PXK: variants seen among roughly 807,000 people sequenced by gnomAD.
PXK encodes the protein PX domain-containing protein kinase-like protein.
PXK carries 35 observed loss-of-function variants against 84.7 expected under a neutral mutation model. The observed-to-expected ratio is 0.41, with a 90% CI of 0.32 to 0.55. The LOEUF is 0.55. Among genes scored for constraint, PXK ranks in the 20% least tolerant of loss-of-function variants. The probability of loss-of-function intolerance (pLI) is 0.21; values close to 1 mark genes in which losing one functional copy is unlikely to be tolerated. For missense variants in PXK, 634 were observed against 699.7 expected, an observed-to-expected ratio of 0.91 and a Z score of 1.06; for synonymous variants, 253 against 260.8, an observed-to-expected ratio of 0.97 and a Z score of 0.29.
intron 3 of PXK, among the ~76,000 whole-genome samples, chr3:58,380,608 C>T (rs556835291): frequency 6.6e-6 from 1 of 151,696 alleles, no homozygotes; most frequent in African/African-American, 2.4e-5. Flanking sequence ...GTCAGGAGTT[C>T]GAGACCAGCC....
chr3:58,335,018 G>GTGT (rs2097566704), intron 1 of PXK, among the ~76,000 whole-genome samples: 1 of 106,504 alleles, frequency 9.4e-6, no homozygotes, highest in African/African-American at 3.5e-5. Flanking sequence ...TGTCCAGGCT[G>GTGT]GTGTGTGTGT....
intron 5 of PXK, 94 bp from the exon 6 acceptor site, chr3:58,391,053 C>A: frequency 1.1e-6 from 1 of 915,166 alleles, no homozygotes. Flanking sequence ...AATAATATTG[C>A]CAAACTTAAT....
chr3:58,422,119 A>C, intron 17 of PXK: 1 of 985,334 alleles, frequency 1.0e-6, no homozygotes, highest in South Asian at 4.7e-5. Context: ...GTTGTAGCTG[A>C]AGCCCCAACG....
intron 1 of PXK, among the ~76,000 whole-genome samples, chr3:58,336,071 A>ATTTTTTTTTT (rs1171021563): frequency 5.4e-4 from 28 of 51,570 alleles, no homozygotes; most frequent in African/African-American, 2.6e-3. Context: ...ATATATATAT[A>ATTTTTTTTTT]TTTTTTTTTT....
intron 3 of PXK, among the ~76,000 whole-genome samples, chr3:58,375,212 G>A (rs1391034276): frequency 1.3e-5 from 2 of 152,196 alleles, no homozygotes; most frequent in African/African-American, 4.8e-5. Context: ...TCTGAGTGAT[G>A]TGGACTCAGC....
intron 1 of PXK, among the ~76,000 whole-genome samples, chr3:58,352,454 G>C (rs1480787436): frequency 6.6e-6 from 1 of 152,196 alleles, no homozygotes; most frequent in Non-Finnish European, 1.5e-5. Context: ...GTAGTTCTCT[G>C]AGATCATGTT....
In PXK at chr3:58,399,781, C is replaced by T. The variant is rs541223980; in HGVS notation, c.1181+404C>T. Reference sequence around the variant, plus strand: ...TGTGCATAGTTCACAAGTCACAGGGCCTTGAAGGGTCTGCCCTCCAGGAAG... The same window carrying T: ...TGTGCATAGTTCACAAGTCACAGGGTCTTGAAGGGTCTGCCCTCCAGGAAG... On this transcript the variant is annotated intron_variant, in intron 12 of 17. Coordinates refer to ENST00000356151, the MANE Select transcript of PXK (RefSeq NM_017771.5). The surrounding 1 kb of genome is among the most constrained non-coding windows in gnomAD (Gnocchi z 4.3). Among the ~76,000 whole-genome samples the T allele has an allele frequency of 6.6e-6, 1 of 152,132 alleles. No individual in the cohort carries two copies. Among genetic ancestry groups the T allele is most frequent in the African/African-American group, 2.4e-5 (1 of 41,544 alleles).
chr3:58,376,683 A>G (rs2098445903), intron 3 of PXK, among the ~76,000 whole-genome samples: 1 of 152,050 alleles, frequency 6.6e-6, no homozygotes, highest in South Asian at 2.1e-4. Context: ...TCCATTACCC[A>G]GGCTGGAGTG....
chr3:58,346,555 A>G lies in PXK; in HGVS notation c.102+13465A>G, dbSNP rs141254610. Among the ~76,000 whole-genome samples, 3 of 152,270 alleles carry G rather than the reference A, an allele frequency of 2.0e-5. No homozygotes were observed. In the East Asian group the frequency reaches 5.8e-4, roughly 29 times the overall value. On this transcript the variant is annotated intron_variant, in intron 1 of 17. Coordinates refer to ENST00000356151, the MANE Select transcript of PXK (RefSeq NM_017771.5). ...TTTGGTTTTAGACACCTTGAGTAAT[A>G]CTGAAAAGGGAGTGTTACTTGTCAT...
rs2098348547 is a variant in PXK, at chr3:58,370,395, T to C, written c.201+917T>C. 6.6e-6 allele frequency among the ~76,000 whole-genome samples: 1 copy of C among 152,216 alleles called. No homozygotes were observed. Among genetic ancestry groups the C allele is most frequent in the African/African-American group, 2.4e-5 (1 of 41,466 alleles). On this transcript the variant is annotated intron_variant, in intron 3 of 17. Transcript: ENST00000356151. This position sits in a 1 kb window ranked among gnomAD's most constrained non-coding sequence, Gnocchi z 4.2. Reference sequence around the variant, plus strand: ...TAGGAAGTCCTGCCAATACCCGCCATGTCTTCACTTGGCAGGCTGGTCTTC... The same window carrying C: ...TAGGAAGTCCTGCCAATACCCGCCACGTCTTCACTTGGCAGGCTGGTCTTC...
intron 1 of PXK, among the ~76,000 whole-genome samples, chr3:58,354,893 G>A (rs2098035685): frequency 6.6e-6 from 1 of 152,006 alleles, no homozygotes; most frequent in Non-Finnish European, 1.5e-5. Flanking sequence ...TGAGGCAGGT[G>A]GGATCACCTG....
rs542281716 is a variant in PXK at position 58,351,395 on chromosome 3, T to TTTTTTG, written c.103-14478_103-14477insTTTTGT. ...GGTGTGCGCCACCACAGCTAGCTAT[T>TTTTTTG]TGTGTGTGTGTGTGTGTGTGTGTGT... On this transcript the variant is annotated intron_variant, in intron 1 of 17. Transcript: ENST00000356151. Among the ~76,000 whole-genome samples the TTTTTTG allele has an allele frequency of 4.9e-4, 69 of 140,688 alleles. 1 individual carries two copies. Among genetic ancestry groups the TTTTTTG allele is most frequent in the South Asian group, 9.5e-4 (4 of 4,206 alleles). The allele number at this position is 140,688 out of a possible 152,430, so 92.3% of individuals were successfully genotyped here.
chr3:58,340,842 G>A (rs963536867), intron 1 of PXK, among the ~76,000 whole-genome samples: 1 of 152,116 alleles, frequency 6.6e-6, no homozygotes, highest in African/African-American at 2.4e-5. Context: ...TTTTGGGGTA[G>A]CGTCATAGGA....
intron 7 of PXK, among the ~76,000 whole-genome samples, chr3:58,393,058 A>T (rs1467266498): frequency 2.6e-5 from 4 of 152,178 alleles, no homozygotes; most frequent in Non-Finnish European, 4.4e-5. Context: ...AAGCAAAAAT[A>T]AGAAAATAAG....
chr3:58,374,103 T>C (rs2098416122), intron 3 of PXK, among the ~76,000 whole-genome samples: 1 of 150,992 alleles, frequency 6.6e-6, no homozygotes, highest in South Asian at 2.1e-4. Flanking sequence ...AACTGTAATA[T>C]AGTTTGTCAT....
At chr3:58,420,757 T>G in intron 17 of PXK, 1 of 1,399,606 alleles carries the variant, frequency 7.1e-7, no homozygotes, top group Non-Finnish European at 9.3e-7. Flanking sequence ...TCATCTATAT[T>G]CATTTCATTT....
chr3:58,391,728 T>C lies in PXK; in HGVS notation c.541-45T>C, dbSNP rs777765291. The C allele has an allele frequency of 7.8e-6, 12 of 1,534,898 alleles. No individual in the cohort carries two copies. In the East Asian group the frequency reaches 1.8e-4, roughly 23 times the overall value. ...AAGGGAAAGACAAGGAATTTTTCTT[T>C]TGGTGACCAAAACAGTACCCTGATA... On this transcript the variant is annotated intron_variant, in intron 6 of 17. Transcript: ENST00000356151.
intron 4 of PXK, among the ~76,000 whole-genome samples, chr3:58,386,298 T>TC (rs1459414083): frequency 7.5e-6 from 1 of 132,954 alleles, no homozygotes; most frequent in African/African-American, 2.8e-5. Flanking sequence ...TACTTTTTTT[T>TC]TTTTTTTTTT....
chr3:58,357,970 AAAAAAAC>A (rs1329368494), intron 1 of PXK, among the ~76,000 whole-genome samples: 1 of 151,640 alleles, frequency 6.6e-6, no homozygotes, highest in Non-Finnish European at 1.5e-5. Flanking sequence ...GTCTCAAAAC[AAAAAAAC>A]AAAAAAACAA....
Sources: allele counts gnomAD v4.1 joint callset (sites outside exome capture counted in the v4.1 genomes callset), GRCh38; gene constraint gnomAD v4.1.1; non-coding constraint Gnocchi (gnomAD v3.1); transcripts MANE v1.5; gene names NCBI Gene and HGNC (gene_info 2026-07-23, HGNC 2026-07-21).